Variants in TAFA1 observed in about 807,000 individuals in gnomAD.
The protein encoded by TAFA1 is TAFA chemokine like family member 1, also known as chemokine-like protein TAFA-1.
TAFA1 carries 4 observed loss-of-function variants against 18.5 expected under a neutral mutation model. The observed-to-expected ratio is 0.22, with a 90% confidence interval of 0.11 to 0.49. The LOEUF is 0.49. TAFA1 is among the 20% of genes least tolerant of loss of function. The probability of loss-of-function intolerance (pLI) is 0.98; values close to 1 mark genes in which losing one functional copy is unlikely to be tolerated. For missense variants in TAFA1, 147 were observed against 169.0 expected, an observed-to-expected ratio of 0.87 and a Z score of 0.72; for synonymous variants, 56 against 55.2, an observed-to-expected ratio of 1.01 and a Z score of -0.06.
At chr3:68,369,109 A>G (rs1400573338) in intron 2 of TAFA1, among the ~76,000 whole-genome samples, 1 of 152,232 alleles carries the variant, frequency 6.6e-6, no homozygotes, top group Non-Finnish European at 1.5e-5. Context: ...AACACATTTT[A>G]TAATATCAAC....
intron 2 of TAFA1, among the ~76,000 whole-genome samples, chr3:68,402,876 A>G (rs1287673043): frequency 6.6e-6 from 1 of 152,168 alleles, no homozygotes; most frequent in African/African-American, 2.4e-5. Context: ...TTATTTGTAA[A>G]CATATTTGCA....
At chr3:68,205,422 T>A (rs899068814) in intron 2 of TAFA1, among the ~76,000 whole-genome samples, 2 of 151,844 alleles carry the variant, frequency 1.3e-5, no homozygotes, top group Non-Finnish European at 2.9e-5. Context: ...AAAAAGAACA[T>A]AGGGCCAGGT....
intron 2 of TAFA1, among the ~76,000 whole-genome samples, chr3:68,125,889 A>G (rs1181581524): frequency 6.6e-6 from 1 of 152,156 alleles, no homozygotes; most frequent in Non-Finnish European, 1.5e-5. Flanking sequence ...CAATGGAGAT[A>G]AAGACTGGTA....
intron 2 of TAFA1, among the ~76,000 whole-genome samples, chr3:68,190,436 A>G (rs944998685): frequency 1.3e-5 from 2 of 151,898 alleles, no homozygotes; most frequent in African/African-American, 4.8e-5. Flanking sequence ...TGTTTTCTGA[A>G]TACAAAATAT....
At chr3:68,459,081 G>T (rs1432378406) in intron 3 of TAFA1, among the ~76,000 whole-genome samples, 1 of 152,168 alleles carries the variant, frequency 6.6e-6, no homozygotes, top group Non-Finnish European at 1.5e-5. Context: ...TTTAGGCAAA[G>T]AAGCAGCCAT....
intron 2 of TAFA1, among the ~76,000 whole-genome samples, chr3:68,022,076 A>G (rs552814123): frequency 1.3e-5 from 2 of 152,310 alleles, no homozygotes; most frequent in African/African-American, 4.8e-5. Flanking sequence ...TCATTAGTCT[A>G]TTTATATTCA....
intron 2 of TAFA1, among the ~76,000 whole-genome samples, chr3:68,069,961 T>C (rs767523391): frequency 1.1e-4 from 16 of 152,228 alleles, no homozygotes; most frequent in Non-Finnish European, 2.1e-4. Context: ...TCCTGGCTTC[T>C]TTCACGGGCT....
chr3:68,482,280 T>A (rs2072252554), intron 3 of TAFA1, among the ~76,000 whole-genome samples: 1 of 152,230 alleles, frequency 6.6e-6, no homozygotes, highest in Non-Finnish European at 1.5e-5. Flanking sequence ...GTGCTGGGAT[T>A]GCAGGTGTGA....
At chr3:68,225,202 C>T (rs2066782949) in intron 2 of TAFA1, among the ~76,000 whole-genome samples, 1 of 152,030 alleles carries the variant, frequency 6.6e-6, no homozygotes, top group South Asian at 2.1e-4. Context: ...GCCACCACAC[C>T]TGGCTGGCTC....
At chr3:68,231,806 C>G (rs2066875624) in intron 2 of TAFA1, among the ~76,000 whole-genome samples, 1 of 152,188 alleles carries the variant, frequency 6.6e-6, no homozygotes, top group South Asian at 2.1e-4. Context: ...GCCTTTCCAT[C>G]ATCCCAGAAA....
chr3:68,254,020 T>G (rs1403847275), intron 2 of TAFA1, among the ~76,000 whole-genome samples: 1 of 152,138 alleles, frequency 6.6e-6, no homozygotes, highest in South Asian at 2.1e-4. Flanking sequence ...ATTAGTTTCT[T>G]TGGGTTTCTG....
chr3:68,436,242 GA>G (rs1333384724), intron 3 of TAFA1, among the ~76,000 whole-genome samples: 8 of 152,132 alleles, frequency 5.3e-5, no homozygotes, highest in African/African-American at 1.9e-4. Context: ...GACATGAAAG[GA>G]ATTCAACTCT....
At chr3:68,338,184 T>C (rs1022139419) in intron 2 of TAFA1, among the ~76,000 whole-genome samples, 1 of 152,228 alleles carries the variant, frequency 6.6e-6, no homozygotes, top group African/African-American at 2.4e-5. Flanking sequence ...TTTTTACTTA[T>C]GTAATGGAAC....
chr3:68,159,985 T>C (rs1218791993), intron 2 of TAFA1, among the ~76,000 whole-genome samples: 1 of 152,230 alleles, frequency 6.6e-6, no homozygotes, highest in Admixed American at 6.5e-5. Flanking sequence ...ATACCAGACC[T>C]GGCTCTTGTT....
At chr3:68,335,211 G>T (rs1008991513) in intron 2 of TAFA1, among the ~76,000 whole-genome samples, 1 of 152,138 alleles carries the variant, frequency 6.6e-6, no homozygotes, top group African/African-American at 2.4e-5. Context: ...TAGACTGATA[G>T]AATTTGCAGC....
chr3:68,271,736 T>C lies in TAFA1; in HGVS notation c.119-145544T>C, dbSNP rs569531846. On this transcript the variant is annotated intron_variant, in intron 2 of 4. Transcript: ENST00000478136. ...AGAGGATGGGAGTTGGGGAAACATT[T>C]GGAAAACATCCACCTGTATTTCATC... 2.0e-5 allele frequency among the ~76,000 whole-genome samples: 3 copies of C among 152,184 alleles called. No homozygotes were observed. In the East Asian group the frequency reaches 5.8e-4, roughly 29 times the overall value.
At chr3:68,114,783 C>T (rs138097321) in intron 2 of TAFA1, among the ~76,000 whole-genome samples, 1 of 151,864 alleles carries the variant, frequency 6.6e-6, no homozygotes, top group South Asian at 2.1e-4. Context: ...TTATAATAGC[C>T]CTAAACTTAA....
chr3:68,170,671 G>A (rs2066041175), intron 2 of TAFA1, among the ~76,000 whole-genome samples: 1 of 152,160 alleles, frequency 6.6e-6, no homozygotes, highest in South Asian at 2.1e-4. Context: ...AGTAGGAAGT[G>A]AAGGCTAGGG....
intron 2 of TAFA1, among the ~76,000 whole-genome samples, chr3:68,369,316 G>A (rs2069634337): frequency 6.6e-6 from 1 of 152,156 alleles, no homozygotes; most frequent in Non-Finnish European, 1.5e-5. Flanking sequence ...TTGGATCGGA[G>A]TATCTTTTAT....
Sources: gnomAD v4.1 joint callset for allele counts (sites outside exome capture counted in the v4.1 genomes callset) on GRCh38, gnomAD v4.1.1 for gene constraint, MANE v1.5 for transcripts, NCBI Gene and HGNC (gene_info 2026-07-23, HGNC 2026-07-21) for gene names.